Variants in RYR3 observed in about 807,000 individuals in gnomAD.
The protein encoded by RYR3 is ryanodine receptor 3.
RYR3 carries 207 observed loss-of-function variants against 584.3 expected under a neutral mutation model. The observed-to-expected ratio is 0.35, with a 90% CI of 0.32 to 0.40. The LOEUF (loss-of-function observed/expected upper bound fraction) is 0.40. Ranked by LOEUF, RYR3 falls within the 10% of genes least tolerant of loss-of-function variation. The pLI is 1.00. For synonymous variants in RYR3, 2,416 were observed against 2,248.5 expected, an observed-to-expected ratio of 1.07 and a Z score of -2.11; for missense variants, 5,616 against 6,089.2, an observed-to-expected ratio of 0.92 and a Z score of 2.59.
intron 1 of RYR3, among the ~76,000 whole-genome samples, chr15:33,401,912 T>G (rs762633035): frequency 6.6e-6 from 1 of 152,062 alleles, no homozygotes; most frequent in Non-Finnish European, 1.5e-5. Context: ...AAATCTTTTG[T>G]GTTTTCCAAA....
At chr15:33,406,548 A>G (rs1596002325) in intron 1 of RYR3, among the ~76,000 whole-genome samples, 1 of 152,242 alleles carries the variant, frequency 6.6e-6, no homozygotes, top group South Asian at 2.1e-4. Flanking sequence ...GCTGAGGAAT[A>G]AAGAATTGCC....
Position 33,771,986 on chromosome 15 carries a change from A to G in RYR3, c.8883A>G (p.Ala2961=), listed in dbSNP as rs2073610875. Residue 2961 remains alanine, a synonymous_variant, in exon 63 of 104, where the codon GCA becomes GCG. Transcript: ENST00000634891. ...AGLRAFFENA[A]EDLEKTSENL... is the part of the protein sequence containing the mutation. ...TACGAGCATTCTTTGAAAATGCTGC[A>G]GAAGATTTGGAGAAGACTTCAGAAA... is the stretch of plus-strand genomic sequence containing the variant. The G allele has an allele frequency of 1.2e-6, 2 of 1,613,740 alleles. No individual in the cohort carries two copies. Among genetic ancestry groups the G allele is most frequent in the East Asian group, 2.2e-5 (1 of 44,878 alleles).
At position 33,471,633 on chromosome 15, in the gene RYR3, A is replaced by G. The variant is rs375827757; in HGVS notation, c.52-1786A>G. Among the ~76,000 whole-genome samples, 14 of 146,256 alleles carry G rather than the reference A, an allele frequency of 9.6e-5. No homozygotes were observed. In the East Asian group the frequency reaches 1.4e-3, roughly 15 times the overall value. ...AAAAATCCATAATTACACTTCTTTG[A>G]TTTCTAAATGCCTGAGTTTTGTTGT... On this transcript the variant is annotated intron_variant, in intron 1 of 103. Coordinates refer to ENST00000634891, the MANE Select transcript of RYR3 (RefSeq NM_001036.6).
At chr15:33,405,845 G>A (rs1257721389) in intron 1 of RYR3, among the ~76,000 whole-genome samples, 3 of 152,208 alleles carry the variant, frequency 2.0e-5, no homozygotes, top group East Asian at 1.9e-4. Context: ...TGGCTCTGCC[G>A]TCCTCTGCTT....
chr15:33,654,510 TAA>T (rs11327967), intron 32 of RYR3, among the ~76,000 whole-genome samples: 118 of 148,306 alleles, frequency 8.0e-4, no homozygotes, highest in Non-Finnish European at 6.4e-4. Context: ...GACCCTGTCT[TAA>T]AAAAAAAAAA....
chr15:33,474,345 T>C (rs565383591), intron 2 of RYR3, among the ~76,000 whole-genome samples: 1 of 152,192 alleles, frequency 6.6e-6, no homozygotes, highest in Non-Finnish European at 1.5e-5. Context: ...AAATTAGTTC[T>C]TGCAGTCGTA....
At chr15:33,597,895 G>A (rs2152544382) in intron 16 of RYR3, among the ~76,000 whole-genome samples, 1 of 149,436 alleles carries the variant, frequency 6.7e-6, no homozygotes, top group Non-Finnish European at 1.5e-5. Context: ...GATTTATAAA[G>A]ACTCCTCCCC....
chr15:33,722,581 A>T lies in RYR3; in HGVS notation c.6620-134A>T, dbSNP rs183710353. The T allele has an allele frequency of 2.5e-4, 198 of 801,380 alleles. 2 individuals are homozygous for T. The African/African-American group carries it at 2.8e-3, about 11-fold the overall frequency. 49.6% of individuals were successfully genotyped at this position (801,380 alleles called of 1,614,324 possible). A position where few individuals can be genotyped will look rare whatever the true frequency, so the allele number is the denominator to read the frequency against. ...AGTTCCTTCTCCACTCCCACTGCCC[A>T]CTTGACTGGCCTAAACCAAAAACAG... is the stretch of plus-strand genomic sequence containing the variant. On this transcript the variant is annotated intron_variant, in intron 43 of 103. Coordinates refer to ENST00000634891, the MANE Select transcript of RYR3 (RefSeq NM_001036.6).
In RYR3 at chr15:33,817,003, T is replaced by C; in HGVS notation, c.10599+45T>C. ...GGAGCAGATATGAGTGTGGATGAATTTGATTTTCGAATTCATGTGTGTGGT... is the reference window on the plus strand; with the variant it reads ...GGAGCAGATATGAGTGTGGATGAATCTGATTTTCGAATTCATGTGTGTGGT... On this transcript the variant is annotated intron_variant, in intron 75 of 103. Coordinates refer to ENST00000634891, the MANE Select transcript of RYR3 (RefSeq NM_001036.6). 2 of 1,196,334 alleles carry C rather than the reference T, an allele frequency of 1.7e-6. 1 individual carries two copies. The highest frequency in any genetic ancestry group is 3.0e-5 in the African/African-American group (2 of 66,808). The allele number at this position is 1,196,334 out of a possible 1,614,324, so 74.1% of individuals were successfully genotyped here. A position where few individuals can be genotyped will look rare whatever the true frequency, so the allele number is the denominator to read the frequency against.
chr15:33,865,505 A>ACTAGT lies in RYR3; in HGVS notation c.*280_*284dup. 2 of 371,648 alleles carry ACTAGT rather than the reference A, an allele frequency of 5.4e-6. No homozygotes were observed. The highest frequency in any genetic ancestry group is 9.8e-6 in the Non-Finnish European group (2 of 205,022). The allele number at this position is 371,648 out of a possible 1,614,324, so 23.0% of individuals were successfully genotyped here. On this transcript the variant is annotated 3_prime_UTR_variant, in exon 104 of 104. Transcript: ENST00000634891. ...CTTCAAGTTTTCCAGTTCTGAGGTA[A>ACTAGT]CTAGTTCAGTTTGTTGGGATGGAAG...
chr15:33,769,195 A>G (rs748309256), intron 62 of RYR3, 23 bp downstream of exon 62: 1 of 1,576,496 alleles, frequency 6.3e-7, no homozygotes, highest in South Asian at 1.1e-5. Context: ...AGTTTTTCCC[A>G]ATAGTTTCTC....
chr15:33,627,728 AT>A (rs1240450369), intron 20 of RYR3, among the ~76,000 whole-genome samples: 1 of 152,186 alleles, frequency 6.6e-6, no homozygotes, highest in African/African-American at 2.4e-5. Context: ...TTTTGACATG[AT>A]TTTTTGTTGT....
At chr15:33,707,765 G>A (rs983202365) in intron 43 of RYR3, among the ~76,000 whole-genome samples, 2 of 152,120 alleles carry the variant, frequency 1.3e-5, no homozygotes, top group African/African-American at 2.4e-5. Context: ...ATTGCACTAA[G>A]CAGGTTAGGT....
At chr15:33,864,246 C>A in intron 103 of RYR3, 57 bp downstream of exon 103, 2 of 1,327,526 alleles carry the variant, frequency 1.5e-6, no homozygotes, top group Non-Finnish European at 2.1e-6. Flanking sequence ...AATCTTGAGA[C>A]TTAGTAGGGC....
intron 43 of RYR3, among the ~76,000 whole-genome samples, chr15:33,709,775 C>T (rs189725476): frequency 4.0e-4 from 61 of 152,256 alleles, no homozygotes; most frequent in Admixed American, 1.5e-3. Flanking sequence ...CTTTGATATT[C>T]TGTTATAGCA....
chr15:33,708,889 C>A (rs2066903122), intron 43 of RYR3, among the ~76,000 whole-genome samples: 1 of 152,098 alleles, frequency 6.6e-6, no homozygotes, highest in South Asian at 2.1e-4. Flanking sequence ...ACCGCACAGG[C>A]TAAACTAATT....
intron 1 of RYR3, among the ~76,000 whole-genome samples, chr15:33,425,637 ATTTTTTTTT>A (rs68182512): frequency 1.1e-4 from 13 of 121,814 alleles, no homozygotes; most frequent in African/African-American, 4.0e-4. Flanking sequence ...GAGACTCACA[ATTTTTTTTT>A]TTTTTTTTTT....
chr15:33,781,162 GTGC>G (rs2074358733), intron 65 of RYR3, among the ~76,000 whole-genome samples: 1 of 152,294 alleles, frequency 6.6e-6, no homozygotes, highest in African/African-American at 2.4e-5. Context: ...CTTCTGGAGG[GTGC>G]TTGTATCTGG....
intron 60 of RYR3, among the ~76,000 whole-genome samples, chr15:33,758,400 T>C (rs2072073259): frequency 6.6e-6 from 1 of 152,120 alleles, no homozygotes; most frequent in South Asian, 2.1e-4. Context: ...TGGCTTGAAA[T>C]TCTTGCTGCC....
Sources: gnomAD v4.1 joint callset for allele counts (sites outside exome capture counted in the v4.1 genomes callset) on GRCh38, gnomAD v4.1.1 for gene constraint, MANE v1.5 for transcripts, NCBI Gene and HGNC (gene_info 2026-07-23, HGNC 2026-07-21) for gene names.